The following KALRN variants were observed in gnomAD, a reference collection of about 807,000 sequenced individuals.
KALRN encodes kalirin RhoGEF kinase, also known as kalirin.
KALRN carries 70 observed loss-of-function variants against 353.7 expected under a neutral mutation model. The ratio of observed to expected loss-of-function variants is 0.20; its 90% CI spans 0.16 to 0.24. KALRN has a LOEUF of 0.24. Ranked by LOEUF, KALRN falls within the 10% of genes least tolerant of loss-of-function variation. KALRN has a pLI of 1.00. For missense variants in KALRN, 2,791 were observed against 3,756.7 expected (o/e 0.74, Z 6.72); for synonymous variants, 1,391 against 1,434.8 (o/e 0.97, Z 0.69).
chr3:124,345,434 CGTAA>C lies in KALRN; in HGVS notation c.1648-1704_1648-1701del, dbSNP rs529124685. Among the ~76,000 whole-genome samples, 42 of 152,104 alleles carry C rather than the reference CGTAA, an allele frequency of 2.8e-4. No individual in the cohort carries two copies. The East Asian group carries it at 6.0e-3, about 22-fold the overall frequency. On this transcript the variant is annotated intron_variant, in intron 9 of 59. Coordinates refer to ENST00000682506, the MANE Select transcript of KALRN (RefSeq NM_001388419.1). ...TGATTTTTTTTGGTTGAAGTTTCACCGTAAGTAATTCTAGAGAAACGCAGGCTCT... is the reference window on the plus strand; with the variant it reads ...TGATTTTTTTTGGTTGAAGTTTCACCGTAATTCTAGAGAAACGCAGGCTCT...
intron 12 of KALRN, among the ~76,000 whole-genome samples, chr3:124,397,752 G>T (rs1166488269): frequency 6.6e-6 from 1 of 152,124 alleles, no homozygotes; most frequent in Non-Finnish European, 1.5e-5. Flanking sequence ...TGCCTGCTCA[G>T]AGGAGGCTGC....
At chr3:124,100,705 C>T (rs2061790204) in intron 1 of KALRN, among the ~76,000 whole-genome samples, 1 of 152,230 alleles carries the variant, frequency 6.6e-6, no homozygotes, top group African/African-American at 2.4e-5. Context: ...GTAGCTACCA[C>T]AAAGTGTTTT....
At chr3:124,353,465 A>G (rs2083050926) in intron 10 of KALRN, among the ~76,000 whole-genome samples, 1 of 152,188 alleles carries the variant, frequency 6.6e-6, no homozygotes, top group Non-Finnish European at 1.5e-5. Context: ...TAAAAAATGC[A>G]TCAAACATGT....
intron 15 of KALRN, among the ~76,000 whole-genome samples, chr3:124,426,241 G>A (rs1379986260): frequency 6.6e-6 from 1 of 152,176 alleles, no homozygotes; most frequent in Non-Finnish European, 1.5e-5. Context: ...TACTGATTTG[G>A]AAGCTGTTGA....
chr3:124,143,851 G>A (rs1160450815), intron 1 of KALRN, among the ~76,000 whole-genome samples: 1 of 152,042 alleles, frequency 6.6e-6, no homozygotes, highest in Non-Finnish European at 1.5e-5. Flanking sequence ...TTTGAAAGTG[G>A]GGCATATATC....
Position 124,398,681 on chromosome 3 carries a change from C to T in KALRN, c.2172-16C>T, listed in dbSNP as rs752792846. 6.8e-6 allele frequency: 11 copies of T among 1,612,994 alleles called. No individual in the cohort carries two copies. The highest frequency in any genetic ancestry group is 9.3e-6 in the Non-Finnish European group (11 of 1,179,644). ...AAAGGCCTCTCCCTCCCTTTTTTCT[C>T]CCCACTCTGCCACAGGGACTCGGCT... On this transcript the variant is annotated splice_polypyrimidine_tract_variant and intron_variant, in intron 12 of 59. Coordinates refer to ENST00000682506, the MANE Select transcript of KALRN (RefSeq NM_001388419.1).
chr3:124,318,079 G>A (rs1337579915), intron 6 of KALRN, among the ~76,000 whole-genome samples: 1 of 152,192 alleles, frequency 6.6e-6, no homozygotes, highest in African/African-American at 2.4e-5. Flanking sequence ...ATGGCCAGGC[G>A]CTTGTTTTCA....
In KALRN at chr3:124,219,826, C is replaced by T. The variant is rs551383726; in HGVS notation, c.74-8164C>T. Among the ~76,000 whole-genome samples the T allele has an allele frequency of 7.2e-5, 11 of 152,036 alleles. 1 individual carries two copies. The South Asian group carries it at 2.1e-3, about 29-fold the overall frequency. On this transcript the variant is annotated intron_variant, in intron 1 of 59. Coordinates refer to ENST00000682506, the MANE Select transcript of KALRN (RefSeq NM_001388419.1). ...GGTTGGGGAGAGGCATGTGGGTCTC[C>T]ACACTGTGCTGTGTGTTTGGTTGCT...
At chr3:124,574,952 A>T (rs1444063659) in intron 34 of KALRN, among the ~76,000 whole-genome samples, 1 of 152,188 alleles carries the variant, frequency 6.6e-6, no homozygotes, top group Non-Finnish European at 1.5e-5. Context: ...TCTCACCGCC[A>T]CACTGCCTTC....
chr3:124,711,269 G>T (rs1579069989), intron 57 of KALRN, among the ~76,000 whole-genome samples: 1 of 152,166 alleles, frequency 6.6e-6, no homozygotes, highest in African/African-American at 2.4e-5. Flanking sequence ...CAATCCTCTT[G>T]TCTCAGCTTC....
chr3:124,558,573 C>T (rs957026152), intron 33 of KALRN, among the ~76,000 whole-genome samples: 1 of 152,224 alleles, frequency 6.6e-6, no homozygotes. Flanking sequence ...GCCACTGCGC[C>T]CAGCCCAGAA....
intron 25 of KALRN, among the ~76,000 whole-genome samples, chr3:124,468,342 A>G (rs368160415): frequency 6.6e-6 from 1 of 152,146 alleles, no homozygotes; most frequent in Non-Finnish European, 1.5e-5. Flanking sequence ...CTTGAAACAC[A>G]AGGGGGGGGT....
At chr3:124,140,124 G>A (rs1332196600) in intron 1 of KALRN, among the ~76,000 whole-genome samples, 1 of 152,106 alleles carries the variant, frequency 6.6e-6, no homozygotes, top group East Asian at 1.9e-4. Context: ...TGCCAGTCCG[G>A]TCAATCGTTG....
At chr3:124,042,565 G>A (rs1371478652) in intron 1 of KALRN, among the ~76,000 whole-genome samples, 2 of 152,096 alleles carry the variant, frequency 1.3e-5, no homozygotes, top group African/African-American at 2.4e-5. Flanking sequence ...GAGTCTATAG[G>A]GCCTGGCATC....
chr3:124,718,721 C>T (rs866948343), intron 59 of KALRN, among the ~76,000 whole-genome samples: 6 of 152,176 alleles, frequency 3.9e-5, no homozygotes, highest in Admixed American at 2.6e-4. Flanking sequence ...TCTGAATTAC[C>T]ACCCAAACTC....
intron 1 of KALRN, among the ~76,000 whole-genome samples, chr3:124,223,810 CCA>C (rs2078185945): frequency 6.6e-6 from 1 of 152,180 alleles, no homozygotes; most frequent in African/African-American, 2.4e-5. Context: ...AGGCTGGAAG[CCA>C]CAGTGAGGCT....
intron 34 of KALRN, among the ~76,000 whole-genome samples, chr3:124,608,605 G>C (rs1373316895): frequency 6.6e-6 from 1 of 152,114 alleles, no homozygotes; most frequent in Non-Finnish European, 1.5e-5. Flanking sequence ...TCTAATTCTG[G>C]CTTCTGGGAG....
At chr3:124,572,099 G>T (rs1012864383) in intron 34 of KALRN, among the ~76,000 whole-genome samples, 4 of 151,328 alleles carry the variant, frequency 2.6e-5, no homozygotes, top group Non-Finnish European at 4.4e-5. Flanking sequence ...AAGGCAGATG[G>T]ATCACTTGAG....
chr3:124,523,031 T>C (rs2067293624), intron 33 of KALRN, among the ~76,000 whole-genome samples: 1 of 152,210 alleles, frequency 6.6e-6, no homozygotes, highest in South Asian at 2.1e-4. Context: ...AATACTTTTA[T>C]AAGCCCTTTT....
Sources: gnomAD v4.1 joint callset for allele counts (sites outside exome capture counted in the v4.1 genomes callset) on GRCh38, gnomAD v4.1.1 for gene constraint, MANE v1.5 for transcripts, NCBI Gene and HGNC (gene_info 2026-07-23, HGNC 2026-07-21) for gene names.